Variants in PBX1 observed in about 807,000 individuals in gnomAD.
PBX1 encodes pre-B-cell leukemia transcription factor 1.
PBX1 carries 6 observed loss-of-function variants against 53.4 expected under a neutral mutation model. That is an observed-to-expected ratio of 0.11 (90% CI 0.06 to 0.22). The LOEUF is 0.22. Ranked by LOEUF, PBX1 falls within the 10% of genes least tolerant of loss-of-function variation. PBX1 has a pLI of 1.00. For synonymous variants in PBX1, 204 were observed against 212.3 expected (o/e 0.96, Z 0.34); for missense variants, 251 against 551.4 (o/e 0.46, Z 5.46).
At chr1:164,838,479 C>A (rs150289746) in intron 8 of PBX1, among the ~76,000 whole-genome samples, 1 of 152,280 alleles carries the variant, frequency 6.6e-6, no homozygotes, top group African/African-American at 2.4e-5. Flanking sequence ...TCTTAATAAA[C>A]AACATAGGGA....
intron 2 of PBX1, among the ~76,000 whole-genome samples, chr1:164,783,836 G>A (rs1668043395): frequency 6.6e-6 from 1 of 152,094 alleles, no homozygotes; most frequent in Non-Finnish European, 1.5e-5. Context: ...TCATGTATTA[G>A]CTCTTGCCAG....
intron 2 of PBX1, among the ~76,000 whole-genome samples, chr1:164,880,247 G>T (rs1289229849): frequency 6.6e-6 from 1 of 152,080 alleles, no homozygotes; most frequent in Non-Finnish European, 1.5e-5. Flanking sequence ...TTGATGCTAG[G>T]GACACAGAGA....
At chr1:164,657,923 C>G (rs1347085637) in intron 2 of PBX1, among the ~76,000 whole-genome samples, 1 of 152,118 alleles carries the variant, frequency 6.6e-6, no homozygotes, top group Non-Finnish European at 1.5e-5. Context: ...CTTTGCCACT[C>G]CATGTCTTGC....
intron 2 of PBX1, among the ~76,000 whole-genome samples, chr1:164,670,216 A>G (rs1334373137): frequency 6.6e-6 from 1 of 152,018 alleles, no homozygotes; most frequent in African/African-American, 2.4e-5. Context: ...ACTGCCTAGG[A>G]CCTCTCTAAG....
intron 2 of PBX1, among the ~76,000 whole-genome samples, chr1:164,714,422 T>C (rs546464586): frequency 1.5e-3 from 223 of 152,344 alleles, no homozygotes; most frequent in African/African-American, 5.2e-3. Flanking sequence ...ATGTAGTTCT[T>C]GCAAACACTT....
intron 3 of PBX1, among the ~76,000 whole-genome samples, chr1:164,799,331 T>C (rs1005318758): frequency 1.3e-5 from 2 of 151,448 alleles, no homozygotes; most frequent in East Asian, 3.9e-4. Context: ...TCTACTAAAA[T>C]TACAAAAAAA....
At chr1:164,855,237 C>T (rs577521570), downstream of PBX1, among the ~76,000 whole-genome samples, 10 of 152,230 alleles carry the variant, frequency 6.6e-5, no homozygotes, top group South Asian at 2.1e-4. Flanking sequence ...TGAGCCACCA[C>T]GCCTAGGTTC....
intron 2 of PBX1, among the ~76,000 whole-genome samples, chr1:164,691,582 A>AGT (rs1662491784): frequency 6.6e-6 from 1 of 152,178 alleles, no homozygotes. Context: ...CTGAGGCTGA[A>AGT]GCGTCTTCTA....
chr1:164,582,604 G>A (rs528675523), intron 2 of PBX1, among the ~76,000 whole-genome samples: 7 of 152,020 alleles, frequency 4.6e-5, no homozygotes, highest in Admixed American at 4.6e-4. Context: ...TGTATTTTTA[G>A]TAGAGATGGG....
rs561865259 is a variant in PBX1, at chr1:164,604,891, A to C, written c.265+41580A>C. On this transcript the variant is annotated intron_variant, in intron 2 of 8. Transcript: ENST00000420696. The stretch of plus-strand genomic sequence containing the variant: ...AAATTTCTCACTCTGTTTCCCAAGT[A>C]AATAAACAAATAAAAGTAAAGAATG... Among the ~76,000 whole-genome samples the C allele has an allele frequency of 1.3e-4, 20 of 152,288 alleles. No homozygotes were observed. In the South Asian group the frequency reaches 4.1e-3, roughly 32 times the overall value.
intron 8 of PBX1, among the ~76,000 whole-genome samples, chr1:164,843,760 A>G (rs1671421979): frequency 6.6e-6 from 1 of 152,184 alleles, no homozygotes; most frequent in Non-Finnish European, 1.5e-5. Flanking sequence ...CTTTTTAAAG[A>G]AAAGAGATCA....
intron 2 of PBX1, chr1:164,771,583 A>G (rs144730101): frequency 1.3e-5 from 2 of 151,816 alleles, no homozygotes; most frequent in East Asian, 3.9e-4. Context: ...AGACCCTTAA[A>G]AAAAAAAAAA....
intron 2 of PBX1, among the ~76,000 whole-genome samples, chr1:164,661,120 A>G (rs1054605869): frequency 5.3e-5 from 8 of 152,182 alleles, no homozygotes; most frequent in East Asian, 1.9e-4. Flanking sequence ...GACTTTTACT[A>G]TGTTTTTCTC....
At chr1:164,734,610 A>G (rs1312546499) in intron 2 of PBX1, among the ~76,000 whole-genome samples, 1 of 152,198 alleles carries the variant, frequency 6.6e-6, no homozygotes, top group African/African-American at 2.4e-5. Flanking sequence ...ATAGGCCCTG[A>G]GGATAATATG....
At chr1:164,590,511 T>A (rs928697194) in intron 2 of PBX1, 20 of 455,586 alleles carry the variant, frequency 4.4e-5, no homozygotes, top group South Asian at 1.5e-4. Context: ...GAGGTGCCGT[T>A]TTTGGTGAGC....
chr1:164,765,493 G>T (rs1328784474), intron 2 of PBX1, among the ~76,000 whole-genome samples: 1 of 152,228 alleles, frequency 6.6e-6, no homozygotes, highest in Non-Finnish European at 1.5e-5. Context: ...GCAGGAAAAA[G>T]CAAACAGCTG....
chr1:164,756,187 T>C (rs1164125811), intron 2 of PBX1, among the ~76,000 whole-genome samples: 5 of 152,048 alleles, frequency 3.3e-5, no homozygotes. Context: ...ATCATTGTCA[T>C]ATTATATGAA....
At chr1:164,778,309 G>A (rs1035310816) in intron 2 of PBX1, among the ~76,000 whole-genome samples, 14 of 152,152 alleles carry the variant, frequency 9.2e-5, no homozygotes, top group Admixed American at 8.5e-4. Flanking sequence ...ATTTTTGATG[G>A]TGTGGTGTAG....
chr1:164,696,257 A>G (rs983326521), intron 2 of PBX1, among the ~76,000 whole-genome samples: 1 of 152,150 alleles, frequency 6.6e-6, no homozygotes, highest in Non-Finnish European at 1.5e-5. Flanking sequence ...CACTTTTTTC[A>G]AAAAGTTTTT....
Sources: gnomAD v4.1 joint callset for allele counts (sites outside exome capture counted in the v4.1 genomes callset) on GRCh38, gnomAD v4.1.1 for gene constraint, MANE v1.5 for transcripts, NCBI Gene and HGNC (gene_info 2026-07-23, HGNC 2026-07-21) for gene names.